TSHZ2: variants seen among roughly 807,000 people sequenced by gnomAD.
TSHZ2 encodes the protein teashirt zinc finger homeobox 2.
Under a neutral mutation model 74.4 loss-of-function variants are expected in TSHZ2, and 21 were observed. That is an observed-to-expected ratio of 0.28 (90% CI 0.20 to 0.41). The LOEUF (loss-of-function observed/expected upper bound fraction) is 0.41. TSHZ2 is among the 10% of genes least tolerant of loss of function. TSHZ2 has a pLI of 1.00. For synonymous variants in TSHZ2, 540 were observed against 515.3 expected (o/e 1.05, Z -0.65); for missense variants, 1,244 against 1,293.5 (o/e 0.96, Z 0.59).
intron 2 of TSHZ2, among the ~76,000 whole-genome samples, chr20:53,323,542 C>A (rs1025246439): frequency 1.6e-5 from 2 of 128,418 alleles, no homozygotes; most frequent in African/African-American, 5.7e-5. Context: ...CAAAGCCACC[C>A]GTTTTCATTG....
chr20:53,478,306 T>C (rs1042786411), intron 2 of TSHZ2, among the ~76,000 whole-genome samples: 16 of 151,430 alleles, frequency 1.1e-4, no homozygotes, highest in Non-Finnish European at 1.9e-4. Flanking sequence ...ATGTGGCACA[T>C]ATACACCATG....
chr20:53,228,011 C>CA (rs1989723617), intron 1 of TSHZ2, among the ~76,000 whole-genome samples: 2 of 138,146 alleles, frequency 1.4e-5, no homozygotes, highest in South Asian at 4.6e-4. Flanking sequence ...TTTATAATTT[C>CA]AAATGGTGTT....
At chr20:53,021,866 A>G (rs559210479) in intron 1 of TSHZ2, among the ~76,000 whole-genome samples, 104 of 152,288 alleles carry the variant, frequency 6.8e-4, no homozygotes, top group Non-Finnish European at 1.3e-3. Flanking sequence ...TTTAACTTTC[A>G]GGCAAGTAAA....
intron 2 of TSHZ2, among the ~76,000 whole-genome samples, chr20:53,264,702 G>A (rs1012652439): frequency 6.6e-6 from 1 of 152,232 alleles, no homozygotes; most frequent in Non-Finnish European, 1.5e-5. Context: ...AATGAAGTTA[G>A]CCTTCAAGTT....
chr20:53,024,490 C>G (rs889283094), intron 1 of TSHZ2, among the ~76,000 whole-genome samples: 1 of 151,852 alleles, frequency 6.6e-6, no homozygotes, highest in African/African-American at 2.4e-5. Flanking sequence ...TGCACTTGCT[C>G]TTGCAGATTT....
chr20:53,307,122 A>C (rs1334987727), intron 2 of TSHZ2, among the ~76,000 whole-genome samples: 2 of 152,138 alleles, frequency 1.3e-5, no homozygotes. Flanking sequence ...AGTGCGGGTA[A>C]ATGACCAATC....
intron 2 of TSHZ2, among the ~76,000 whole-genome samples, chr20:53,441,393 G>C (rs559931362): frequency 6.6e-6 from 1 of 151,356 alleles, no homozygotes; most frequent in African/African-American, 2.4e-5. Flanking sequence ...AGCCTCCCAA[G>C]TAGCTGGGAC....
Position 53,063,994 on chromosome 20 carries a change from C to A in TSHZ2, c.40+90661C>A, listed in dbSNP as rs1362387411. On this transcript the variant is annotated intron_variant, in intron 1 of 2. Transcript: ENST00000371497. ...CAAGTTATATTTCTTAATAGCGATG[C>A]AGCAAATTACTATATCTACATGGCA... Among the ~76,000 whole-genome samples, 4 of 152,182 alleles carry A rather than the reference C, an allele frequency of 2.6e-5. No homozygotes were observed. In the East Asian group the frequency reaches 7.7e-4, roughly 29 times the overall value.
chr20:53,121,343 T>C (rs528814605), intron 1 of TSHZ2, among the ~76,000 whole-genome samples: 2 of 152,312 alleles, frequency 1.3e-5, no homozygotes, highest in Admixed American at 6.5e-5. Context: ...CCAAATCTAG[T>C]ATTAAAAAAA....
chr20:53,176,491 A>G (rs1988339602), intron 1 of TSHZ2, among the ~76,000 whole-genome samples: 1 of 152,084 alleles, frequency 6.6e-6, no homozygotes, highest in Non-Finnish European at 1.5e-5. Context: ...TGAAAAACCA[A>G]GGGGACGTGA....
intron 1 of TSHZ2, among the ~76,000 whole-genome samples, chr20:53,062,165 A>G (rs1984841840): frequency 6.6e-6 from 1 of 152,240 alleles, no homozygotes; most frequent in East Asian, 1.9e-4. Context: ...CCACATCACC[A>G]GTTAACCTCT....
chr20:53,151,874 A>G (rs1987684956), intron 1 of TSHZ2, among the ~76,000 whole-genome samples: 2 of 152,244 alleles, frequency 1.3e-5, no homozygotes, highest in Non-Finnish European at 2.9e-5. Flanking sequence ...AGCATGATAT[A>G]TATCAAGATA....
chr20:53,052,445 G>A (rs1009706343), intron 1 of TSHZ2, among the ~76,000 whole-genome samples: 7 of 152,164 alleles, frequency 4.6e-5, no homozygotes, highest in African/African-American at 1.7e-4. Context: ...CTCCTTATGA[G>A]GATGGAATGC....
intron 1 of TSHZ2, among the ~76,000 whole-genome samples, chr20:53,229,905 GAAA>G (rs60936867): frequency 1.4e-5 from 2 of 147,872 alleles, no homozygotes; most frequent in Non-Finnish European, 3.0e-5. Flanking sequence ...AGAGGGAGGG[GAAA>G]AAAAGAGAAA....
intron 2 of TSHZ2, among the ~76,000 whole-genome samples, chr20:53,260,589 G>A (rs1990582746): frequency 6.6e-6 from 1 of 152,216 alleles, no homozygotes; most frequent in Non-Finnish European, 1.5e-5. Flanking sequence ...AGTGGTCTCA[G>A]AGGCAGTGTT....
At chr20:53,313,325 GCATTACA>G (rs1272031345) in intron 2 of TSHZ2, among the ~76,000 whole-genome samples, 6 of 152,172 alleles carry the variant, frequency 3.9e-5, no homozygotes, top group African/African-American at 1.4e-4. Flanking sequence ...TTCTGAGAGT[GCATTACA>G]CACTTCCCTA....
At chr20:53,398,743 AC>A (rs1465688082) in intron 2 of TSHZ2, 2 of 152,348 alleles carry the variant, frequency 1.3e-5, no homozygotes, top group East Asian at 3.9e-4. Flanking sequence ...ACAAAGTGAG[AC>A]CCTGTCTCAA....
chr20:52,994,244 C>T (rs528737170), intron 1 of TSHZ2, among the ~76,000 whole-genome samples: 4 of 152,098 alleles, frequency 2.6e-5, no homozygotes, highest in Admixed American at 6.5e-5. Context: ...GAATAACGTC[C>T]GGAAGAAGGC....
At chr20:53,320,614 C>CTTTCTTTGCAGAAGG (rs1293181818) in intron 2 of TSHZ2, among the ~76,000 whole-genome samples, 18 of 152,176 alleles carry the variant, frequency 1.2e-4, no homozygotes, top group Admixed American at 1.2e-3. Flanking sequence ...TCAGAGCCCA[C>CTTTCTTTGCAGAAGG]GGCCAGCTCT....
Sources: gnomAD v4.1 joint callset for allele counts (sites outside exome capture counted in the v4.1 genomes callset) on GRCh38, gnomAD v4.1.1 for gene constraint, MANE v1.5 for transcripts, NCBI Gene and HGNC (gene_info 2026-07-23, HGNC 2026-07-21) for gene names.